ULK2: variants seen among roughly 807,000 people sequenced by gnomAD.
The protein encoded by ULK2 is serine/threonine-protein kinase ULK2.
ULK2 carries 76 observed loss-of-function variants against 127.5 expected under a neutral mutation model. The observed-to-expected ratio is 0.60, with a 90% CI of 0.50 to 0.72. The LOEUF (loss-of-function observed/expected upper bound fraction) is 0.72, where lower values mean the gene tolerates loss of function less well. Among genes scored for constraint, ULK2 ranks in the 30% least tolerant of loss-of-function variants. The probability of loss-of-function intolerance (pLI) is 0.00; values close to 1 mark genes in which losing one functional copy is unlikely to be tolerated. For synonymous variants in ULK2, 452 were observed against 461.9 expected, an observed-to-expected ratio of 0.98 and a Z score of 0.28; for missense variants, 1,144 against 1,295.9, an observed-to-expected ratio of 0.88 and a Z score of 1.80.
At chr17:19,834,500 C>T (rs2041542501) in intron 10 of ULK2, among the ~76,000 whole-genome samples, 1 of 149,862 alleles carries the variant, frequency 6.7e-6, no homozygotes, top group South Asian at 2.1e-4. Flanking sequence ...AAAAAAATGA[C>T]ACCAAACAAA....
At chr17:19,780,244 T>C (rs1384952515) in intron 25 of ULK2, among the ~76,000 whole-genome samples, 1 of 151,548 alleles carries the variant, frequency 6.6e-6, no homozygotes, top group Non-Finnish European at 1.5e-5. Flanking sequence ...AGAGCTGTAA[T>C]AAACTTATAG....
intron 10 of ULK2, among the ~76,000 whole-genome samples, chr17:19,834,026 T>C (rs542962674): frequency 1.2e-4 from 19 of 152,240 alleles, no homozygotes; most frequent in Non-Finnish European, 2.2e-4. Context: ...GTTAAAATTG[T>C]TGAAAATCAA....
At chr17:19,853,427 C>T (rs2042060354) in intron 3 of ULK2, among the ~76,000 whole-genome samples, 1 of 152,014 alleles carries the variant, frequency 6.6e-6, no homozygotes, top group Non-Finnish European at 1.5e-5. Flanking sequence ...CATGAGCCAC[C>T]GCACCTGGCC....
chr17:19,822,484 C>G (rs1481402102), intron 12 of ULK2, among the ~76,000 whole-genome samples: 1 of 151,450 alleles, frequency 6.6e-6, no homozygotes, highest in Non-Finnish European at 1.5e-5. Context: ...GCCTCAGCCT[C>G]CTGAGTATCT....
At position 19,804,682 on chromosome 17, in the gene ULK2, T is replaced by A; in HGVS notation, c.1295+11A>T. On this transcript the variant is annotated intron_variant, in intron 15 of 26. Transcript: ENST00000395544. ...AAAAAGAATTAAGCAAGAAAAAAGCTACTAACTTACCTTGGAGAACCATGT... is the reference window on the plus strand; with the variant it reads ...AAAAAGAATTAAGCAAGAAAAAAGCAACTAACTTACCTTGGAGAACCATGT... 1 of 1,574,440 alleles carries A rather than the reference T, an allele frequency of 6.4e-7. No homozygotes were observed. The highest frequency in any genetic ancestry group is 2.3e-5 in the East Asian group (1 of 44,282).
intron 3 of ULK2, among the ~76,000 whole-genome samples, chr17:19,860,645 C>T (rs926065821): frequency 6.6e-6 from 1 of 151,636 alleles, no homozygotes; most frequent in African/African-American, 2.4e-5. Flanking sequence ...CTACCTCAGC[C>T]TCCCGAGTAG....
At chr17:19,787,630 GCTT>G (rs2087062502) in intron 20 of ULK2, among the ~76,000 whole-genome samples, 1 of 152,182 alleles carries the variant, frequency 6.6e-6, no homozygotes. Flanking sequence ...TCTTATCTCA[GCTT>G]CTTTTCAAAG....
chr17:19,784,298 T>C (rs1415853968), intron 21 of ULK2, among the ~76,000 whole-genome samples: 2 of 152,146 alleles, frequency 1.3e-5, no homozygotes, highest in African/African-American at 2.4e-5. Flanking sequence ...TTTATTCATA[T>C]TACAAATAGC....
At chr17:19,805,632 C>T (rs1406600141) in intron 14 of ULK2, among the ~76,000 whole-genome samples, 1 of 152,074 alleles carries the variant, frequency 6.6e-6, no homozygotes, top group African/African-American at 2.4e-5. Flanking sequence ...GCAGCATATC[C>T]CAGACTCCCT....
Position 19,780,552 on chromosome 17 carries a change from A to C in ULK2, c.2836T>G (p.Phe946Val). The change falls in exon 25 of 27, where the codon TTC (phenylalanine) becomes GTC (valine). Residue 946 changes from phenylalanine (F) to valine (V), a missense_variant. Phe to Val is a conservative substitution (Grantham distance 50). Transcript: ENST00000395544. Reference sequence around the variant, plus strand: ...TCAATAAACCTCTGTTTGTCAGAGAAGAATCGATTCAGCTTTTCTGTAAGT... The same window carrying C: ...TCAATAAACCTCTGTTTGTCAGAGACGAATCGATTCAGCTTTTCTGTAAGT... ...KKLTEKLNRFFSDKQRFIDEI... is the reference protein window; with the variant it reads ...KKLTEKLNRFVSDKQRFIDEI... The C allele has an allele frequency of 6.2e-7, 1 of 1,613,988 alleles. No individual in the cohort carries two copies. The highest frequency in any genetic ancestry group is 8.5e-7 in the Non-Finnish European group (1 of 1,179,950).
intron 20 of ULK2, among the ~76,000 whole-genome samples, chr17:19,787,503 A>G (rs2087060170): frequency 6.6e-6 from 1 of 152,254 alleles, no homozygotes; most frequent in Admixed American, 6.5e-5. Flanking sequence ...GAGTAAAACT[A>G]TATTAGAGTA....
At chr17:19,800,310 CAG>C (rs562763471) in intron 16 of ULK2, among the ~76,000 whole-genome samples, 5 of 152,030 alleles carry the variant, frequency 3.3e-5, no homozygotes, top group African/African-American at 9.7e-5. Flanking sequence ...AAAACTAACA[CAG>C]AGAGAGAGAG....
chr17:19,848,455 T>G (rs1419217631), intron 5 of ULK2: 1 of 152,210 alleles, frequency 6.6e-6, no homozygotes, highest in East Asian at 1.9e-4. Flanking sequence ...CCTTAACATC[T>G]TCAAATAAAA....
In ULK2 at chr17:19,796,413, G is replaced by T. The variant is rs1333235043; in HGVS notation, c.1810-131C>A. 3 of 837,406 alleles carry T rather than the reference G, an allele frequency of 3.6e-6. No individual in the cohort carries two copies. The African/African-American group carries it at 5.3e-5, about 15-fold the overall frequency. 51.9% of individuals were successfully genotyped at this position (837,406 alleles called of 1,614,324 possible). ...GATAGGTCGGGTGGTGGGAAAAATT[G>T]TAGAAAGATGCAAACCTTCTTGGAA... On this transcript the variant is annotated intron_variant, in intron 18 of 26. Coordinates refer to ENST00000395544, the MANE Select transcript of ULK2 (RefSeq NM_014683.4).
rs953619186 is a variant in ULK2 at position 19,775,692 on chromosome 17, A to G, written c.*657T>C. The G allele has an allele frequency of 1.3e-5, 2 of 152,678 alleles. No homozygotes were observed. Among genetic ancestry groups the G allele is most frequent in the Admixed American group, 6.5e-5 (1 of 15,288 alleles). 9.5% of individuals were successfully genotyped at this position (152,678 alleles called of 1,614,324 possible). On this transcript the variant is annotated 3_prime_UTR_variant, in exon 27 of 27. Coordinates refer to ENST00000395544, the MANE Select transcript of ULK2 (RefSeq NM_014683.4). ...TATACAATCAAGTAAAATATTTTAAACAAGTCCATTGTGCCTTAGTTAAAT... is the reference window on the plus strand; with the variant it reads ...TATACAATCAAGTAAAATATTTTAAGCAAGTCCATTGTGCCTTAGTTAAAT...
intron 2 of ULK2, among the ~76,000 whole-genome samples, chr17:19,865,180 T>A (rs1254386079): frequency 6.6e-6 from 1 of 152,216 alleles, no homozygotes; most frequent in Admixed American, 6.5e-5. Context: ...ACAAGTTTCT[T>A]CATTGTAGAA....
intron 14 of ULK2, among the ~76,000 whole-genome samples, chr17:19,809,921 A>G (rs1026171408): frequency 1.3e-5 from 2 of 151,760 alleles, no homozygotes; most frequent in African/African-American, 2.4e-5. Flanking sequence ...AAAAATAACT[A>G]AATAAAATTT....
At chr17:19,846,375 CA>C (rs887281740) in intron 6 of ULK2, among the ~76,000 whole-genome samples, 33 of 151,912 alleles carry the variant, frequency 2.2e-4, no homozygotes, top group African/African-American at 7.2e-4. Context: ...TGTGGAGGCT[CA>C]AACCTGTAAT....
chr17:19,834,489 T>G (rs1344004308), intron 10 of ULK2, among the ~76,000 whole-genome samples: 5 of 137,442 alleles, frequency 3.6e-5, no homozygotes, highest in Admixed American at 7.1e-5. Context: ...ATATTAGAAC[T>G]AAAAAAATGA....
Sources: gnomAD v4.1 joint callset for allele counts (sites outside exome capture counted in the v4.1 genomes callset) on GRCh38, gnomAD v4.1.1 for gene constraint, MANE v1.5 for transcripts, NCBI Gene and HGNC (gene_info 2026-07-23, HGNC 2026-07-21) for gene names.